The following CUBN variants were observed in gnomAD, a reference collection of about 807,000 sequenced individuals.
CUBN encodes 460 kDa receptor.
A neutral mutation model predicts 405.3 loss-of-function variants in CUBN; 282 were observed. The observed-to-expected ratio is 0.70, with a 90% CI of 0.63 to 0.77. CUBN has a LOEUF of 0.77. CUBN is among the 30% of genes least tolerant of loss of function. The pLI, the probability that CUBN is intolerant of heterozygous loss-of-function variation, is 0.00. For synonymous variants in CUBN, 1,684 were observed against 1,617.0 expected, an observed-to-expected ratio of 1.04 and a Z score of -0.99; for missense variants, 4,514 against 4,475.2, an observed-to-expected ratio of 1.01 and a Z score of -0.25.
Position 16,954,440 on chromosome 10 carries a change from G to A in CUBN, c.4804C>T (p.Gln1602Ter). 3.7e-6 allele frequency: 6 copies of A among 1,614,176 alleles called. No individual in the cohort carries two copies. Among genetic ancestry groups the A allele is most frequent in the Non-Finnish European group, 5.1e-6 (6 of 1,180,028 alleles). ...CTGTTCTGTCTGGAAGGGCCAGACT[G>A]AAATCTCAAGAAGAGGCTGTTTCCT... The part of the protein sequence containing the change: ...SSGNSLFLRF[Q>*]SGPSRQNRGF... The change falls in exon 32 of 67, where the codon CAG becomes TAG. Residue 1602 changes from glutamine to a stop codon, truncating the protein, a stop_gained. Coordinates refer to ENST00000377833, the MANE Select transcript of CUBN (RefSeq NM_001081.4). LOFTEE classifies it high-confidence loss of function.
At chr10:16,986,207 C>G (rs928031956) in intron 29 of CUBN, among the ~76,000 whole-genome samples, 3 of 152,228 alleles carry the variant, frequency 2.0e-5, no homozygotes, top group Admixed American at 6.5e-5. Flanking sequence ...TACAGGCACT[C>G]AGGACCAGAG....
chr10:16,915,921 G>A lies in CUBN; in HGVS notation c.7110C>T (p.Leu2370=). The A allele has an allele frequency of 1.2e-6, 2 of 1,614,154 alleles. No individual in the cohort carries two copies. Among genetic ancestry groups the A allele is most frequent in the South Asian group, 2.2e-5 (2 of 91,088 alleles). ...NLFCEWHLQG[L]SGHYLTISFE... is the part of the protein sequence containing the mutation. ...AAGAGATGGTGAGATAGTGTCCAGAGAGCCCCTGGAGATGCCACTCACAGA... is the reference window on the plus strand; with the variant it reads ...AAGAGATGGTGAGATAGTGTCCAGAAAGCCCCTGGAGATGCCACTCACAGA... Residue 2370 remains leucine (L), a synonymous_variant, in exon 46 of 67, where the codon CTC becomes CTT. Coordinates refer to ENST00000377833, the MANE Select transcript of CUBN (RefSeq NM_001081.4).
At chr10:17,037,890 G>A (rs985319578) in intron 27 of CUBN, among the ~76,000 whole-genome samples, 1 of 150,878 alleles carries the variant, frequency 6.6e-6, no homozygotes, top group Non-Finnish European at 1.5e-5. Flanking sequence ...GGACCCTTCT[G>A]AACCACAACC....
chr10:17,097,974 G>A (rs774291930), intron 14 of CUBN, among the ~76,000 whole-genome samples: 45 of 152,078 alleles, frequency 3.0e-4, no homozygotes, highest in Non-Finnish European at 5.0e-4. Flanking sequence ...AACCCATTGA[G>A]TATGGCAGAA....
intron 16 of CUBN, 80 bp downstream of exon 16, chr10:17,085,517 C>T (rs532509308): frequency 3.0e-6 from 4 of 1,344,798 alleles, no homozygotes; most frequent in South Asian, 1.2e-5. Context: ...TCCTCTGAAT[C>T]ACATTAAAAT....
intron 57 of CUBN, 53 bp from the exon 58 acceptor site, chr10:16,874,556 G>C: frequency 6.2e-7 from 1 of 1,607,802 alleles, no homozygotes; most frequent in Non-Finnish European, 8.5e-7. Context: ...TCCCAGCATG[G>C]AAAAATGATT....
At chr10:17,111,165 T>C in intron 8 of CUBN, 115 bp from the exon 9 acceptor site, 1 of 1,204,524 alleles carries the variant, frequency 8.3e-7, no homozygotes, top group Middle Eastern at 1.9e-4. Flanking sequence ...AAAATAAAAA[T>C]GAGATATGCT....
In CUBN at chr10:16,846,429, C is replaced by T. The variant is rs373381852; in HGVS notation, c.9663+4806G>A. On this transcript the variant is annotated intron_variant, in intron 60 of 66. Coordinates refer to ENST00000377833, the MANE Select transcript of CUBN (RefSeq NM_001081.4). ...TCCTTTTATTTCTCCTTTTCATTGC[C>T]TTTGGGATAGTACAGTGATTTTCTG... is the stretch of plus-strand genomic sequence containing the variant. Among the ~76,000 whole-genome samples the T allele has an allele frequency of 2.0e-4, 31 of 152,178 alleles. No individual in the cohort carries two copies. The East Asian group carries it at 2.7e-3, about 13-fold the overall frequency.
chr10:16,932,991 C>T, intron 40 of CUBN, 96 bp downstream of exon 40: 2 of 1,312,862 alleles, frequency 1.5e-6, no homozygotes, highest in Non-Finnish European at 2.2e-6. Context: ...TAATTCCAAA[C>T]CAAACGGATG....
At chr10:17,123,520 C>G in intron 5 of CUBN, 68 bp downstream of exon 5, 1 of 1,176,842 alleles carries the variant, frequency 8.5e-7, no homozygotes. Context: ...TTAAATATGC[C>G]TGATGATTCC....
chr10:17,090,089 A>G (rs1466114786), intron 14 of CUBN, among the ~76,000 whole-genome samples: 1 of 152,144 alleles, frequency 6.6e-6, no homozygotes, highest in African/African-American at 2.4e-5. Context: ...TCTCAAAAAT[A>G]AAAAACAAAA....
chr10:17,010,146 C>T (rs1050203739), intron 28 of CUBN, among the ~76,000 whole-genome samples: 2 of 152,208 alleles, frequency 1.3e-5, no homozygotes, highest in Non-Finnish European at 2.9e-5. Context: ...CTGGGTAGCA[C>T]GTATGCTCTG....
In CUBN at chr10:16,979,510, C is replaced by G. The variant is rs543079317; in HGVS notation, c.4695+2974G>C. Among the ~76,000 whole-genome samples the G allele has an allele frequency of 2.6e-5, 4 of 152,230 alleles. No homozygotes were observed. In the East Asian group the frequency reaches 7.7e-4, roughly 29 times the overall value. ...AAAAGAGATATACAGACCAATGGAA[C>G]AGAAGAAAGGCCTCAGAAATAACGC... On this transcript the variant is annotated intron_variant, in intron 31 of 66. Transcript: ENST00000377833.
chr10:16,952,261 AT>A lies in CUBN; in HGVS notation c.4969+14del, dbSNP rs1842940170. On this transcript the variant is annotated intron_variant, in intron 33 of 66. Transcript: ENST00000377833. ...CTCTCCTGTGTGCCTTTTCTTTTTCATTTTTGTTACTTACATGGAGGTTGCG... is the reference window on the plus strand; with the variant it reads ...CTCTCCTGTGTGCCTTTTCTTTTTCATTTTGTTACTTACATGGAGGTTGCG... The A allele has an allele frequency of 6.3e-7, 1 of 1,590,058 alleles. No individual in the cohort carries two copies. Among genetic ancestry groups the A allele is most frequent in the Admixed American group, 1.7e-5 (1 of 59,892 alleles).
rs1835747784 is a variant in CUBN, at chr10:17,071,867, A to G, written c.2406T>C (p.Ala802=). 1.5e-5 allele frequency: 24 copies of G among 1,613,132 alleles called. No homozygotes were observed. The highest frequency in any genetic ancestry group is 1.9e-5 in the Non-Finnish European group (23 of 1,179,786). The change falls in exon 18 of 67, where the codon GCT becomes GCC. Residue 802 remains alanine (A), a synonymous_variant. Transcript: ENST00000377833. Reference sequence around the variant, plus strand: ...CTCTGAAACTAGCTTTTTCAACAGAAGCATCTATTTTAAACCTGATCCAGA... The same window carrying G: ...CTCTGAAACTAGCTTTTTCAACAGAGGCATCTATTTTAAACCTGATCCAGA... ...NSVWIRFKID[A]SVEKASFRAV... is the part of the protein sequence containing the mutation.
chr10:16,932,232 G>C (rs1462257179), intron 40 of CUBN, among the ~76,000 whole-genome samples: 3 of 152,176 alleles, frequency 2.0e-5, no homozygotes, highest in African/African-American at 7.2e-5. Context: ...AGGGATCAGG[G>C]ATAAGGGAGA....
chr10:17,088,378 G>C, intron 14 of CUBN, 33 bp from the exon 15 acceptor site: 1 of 1,539,912 alleles, frequency 6.5e-7, no homozygotes, highest in Non-Finnish European at 9.0e-7. Context: ...TGTTACATTT[G>C]TATAGATGCT....
At position 16,915,047 on chromosome 10, in the gene CUBN, C is replaced by T. The variant is rs1841846105; in HGVS notation, c.7336G>A (p.Glu2446Lys). 1 of 1,613,952 alleles carries T rather than the reference C, an allele frequency of 6.2e-7. No homozygotes were observed. Among genetic ancestry groups the T allele is most frequent in the African/African-American group, 1.3e-5 (1 of 75,036 alleles). Residue 2446 changes from glutamate (E) to lysine (K), a missense_variant, in exon 47 of 67, where the codon GAA becomes AAA. Around this residue, in one of 5 missense-constraint regions of CUBN, gnomAD observed 1,613 missense variants for 1,542.8 expected, o/e 1.05. Transcript: ENST00000377833. ...VTASGFRLRF[E>K]SSMEECGGDL... ...ATGAACTCACCTTCCATACTGGATT[C>T]AAATCGCAGTCTGAATCCTGAGGCA...
chr10:16,850,717 C>T lies in CUBN; in HGVS notation c.9663+518G>A, dbSNP rs554656836. Among the ~76,000 whole-genome samples the T allele has an allele frequency of 1.3e-4, 20 of 152,320 alleles. No homozygotes were observed. In the South Asian group the frequency reaches 4.1e-3, roughly 32 times the overall value. ...CAAACTCCTGGCCTCAAGTGATCCTCCTGCCTCGGTGTCCCAAATTGCTGG... is the reference window on the plus strand; with the variant it reads ...CAAACTCCTGGCCTCAAGTGATCCTTCTGCCTCGGTGTCCCAAATTGCTGG... On this transcript the variant is annotated intron_variant, in intron 60 of 66. Transcript: ENST00000377833.
Sources: gnomAD v4.1 joint callset for allele counts (sites outside exome capture counted in the v4.1 genomes callset) on GRCh38, gnomAD v4.1.1 for gene constraint, gnomAD v4.1.1 regional missense constraint, MANE v1.5 for transcripts, NCBI Gene and HGNC (gene_info 2026-07-23, HGNC 2026-07-21) for gene names.